The following AHCYL2 variants were observed in gnomAD, a reference collection of about 807,000 sequenced individuals.
The protein encoded by AHCYL2 is adenosylhomocysteinase like 2.
A neutral mutation model predicts 81.4 loss-of-function variants in AHCYL2; 28 were observed. That is an observed-to-expected ratio of 0.34 (90% CI 0.25 to 0.47). AHCYL2 has a LOEUF of 0.47. Ranked by LOEUF, AHCYL2 falls within the 20% of genes least tolerant of loss-of-function variation. The pLI is 1.00. For missense variants in AHCYL2, 551 were observed against 785.1 expected (o/e 0.70, Z 3.56); for synonymous variants, 272 against 290.2 (o/e 0.94, Z 0.64).
chr7:129,415,422 A>G (rs1796795905), intron 12 of AHCYL2, among the ~76,000 whole-genome samples: 1 of 152,112 alleles, frequency 6.6e-6, no homozygotes, highest in African/African-American at 2.4e-5. Context: ...ACTTTATCTC[A>G]TTTCATCTTT....
intron 1 of AHCYL2, among the ~76,000 whole-genome samples, chr7:129,234,588 G>C (rs937351766): frequency 5.9e-5 from 9 of 152,012 alleles, no homozygotes; most frequent in African/African-American, 2.2e-4. Flanking sequence ...TGAACTCCCA[G>C]CTTCAAGTGA....
At chr7:129,412,865 G>T (rs1796656463) in intron 11 of AHCYL2, among the ~76,000 whole-genome samples, 1 of 152,022 alleles carries the variant, frequency 6.6e-6, no homozygotes. Flanking sequence ...TGGAGACAGG[G>T]TCTCACTCTG....
At chr7:129,276,393 A>C (rs1192674619) in intron 1 of AHCYL2, among the ~76,000 whole-genome samples, 1 of 151,660 alleles carries the variant, frequency 6.6e-6, no homozygotes. Context: ...TATTTTTAAA[A>C]AGAAATGAAT....
At chr7:129,247,521 C>T (rs975276458) in intron 1 of AHCYL2, among the ~76,000 whole-genome samples, 1 of 152,074 alleles carries the variant, frequency 6.6e-6, no homozygotes, top group East Asian at 1.9e-4. Flanking sequence ...CTTGTCTTTT[C>T]ATTTTCCTGA....
intron 1 of AHCYL2, among the ~76,000 whole-genome samples, chr7:129,336,937 G>C (rs558789821): frequency 3.9e-5 from 6 of 152,202 alleles, no homozygotes; most frequent in African/African-American, 1.4e-4. Context: ...GTAAAGACGG[G>C]TGTCTCATCA....
At chr7:129,345,322 A>G (rs1156478363) in intron 1 of AHCYL2, among the ~76,000 whole-genome samples, 1 of 152,206 alleles carries the variant, frequency 6.6e-6, no homozygotes, top group Non-Finnish European at 1.5e-5. Flanking sequence ...AGTTGAGGGG[A>G]CAAACATACA....
At position 129,237,142 on chromosome 7, in the gene AHCYL2, G is replaced by C. The variant is rs13227401; in HGVS notation, c.363+11703G>C. ...GGATTTACCAGTTTTTTTCCTTTTT[G>C]GCTTCAACATTTTGTGTCTTAGAAT... On this transcript the variant is annotated intron_variant, in intron 1 of 16. Transcript: ENST00000325006. 5.3e-3 allele frequency among the ~76,000 whole-genome samples: 802 copies of C among 150,384 alleles called. 2 individuals carry two copies. The highest frequency in any genetic ancestry group is 8.6e-3 in the Non-Finnish European group (581 of 67,544).
chr7:129,380,768 C>T (rs1285089151), intron 2 of AHCYL2, among the ~76,000 whole-genome samples: 1 of 152,106 alleles, frequency 6.6e-6, no homozygotes, highest in Non-Finnish European at 1.5e-5. Context: ...GAGACAGGGT[C>T]TCACTCTGTC....
chr7:129,321,056 CAT>C (rs1797997128), intron 1 of AHCYL2, among the ~76,000 whole-genome samples: 1 of 152,330 alleles, frequency 6.6e-6, no homozygotes, highest in African/African-American at 2.4e-5. Flanking sequence ...AAGCTAGACT[CAT>C]ATTAGCTTTA....
At chr7:129,282,950 C>T (rs571172910) in intron 1 of AHCYL2, among the ~76,000 whole-genome samples, 47 of 152,252 alleles carry the variant, frequency 3.1e-4, no homozygotes, top group African/African-American at 1.0e-3. Context: ...TACTCTACCT[C>T]GTGCCTTGTT....
intron 2 of AHCYL2, among the ~76,000 whole-genome samples, chr7:129,387,364 A>C (rs953395966): frequency 1.3e-5 from 2 of 152,228 alleles, no homozygotes; most frequent in African/African-American, 4.8e-5. Context: ...GAATAAATTA[A>C]CAACTCTTTC....
intron 1 of AHCYL2, among the ~76,000 whole-genome samples, chr7:129,367,898 G>T (rs1794185545): frequency 6.6e-6 from 1 of 152,218 alleles, no homozygotes; most frequent in South Asian, 2.1e-4. Flanking sequence ...TTTGGTGCCA[G>T]ACCCCTGGTG....
At chr7:129,380,676 G>GCATATGATAT (rs1794915020) in intron 2 of AHCYL2, among the ~76,000 whole-genome samples, 1 of 152,136 alleles carries the variant, frequency 6.6e-6, no homozygotes, top group Non-Finnish European at 1.5e-5. Flanking sequence ...ATGATGTAAA[G>GCATATGATAT]CATATGATAT....
chr7:129,358,817 T>C (rs1004751007), intron 1 of AHCYL2, among the ~76,000 whole-genome samples: 4 of 152,088 alleles, frequency 2.6e-5, no homozygotes, highest in Admixed American at 2.6e-4. Flanking sequence ...AAGATATAGA[T>C]GAAAACCACA....
chr7:129,350,476 C>T lies in AHCYL2; in HGVS notation c.364-29162C>T, dbSNP rs181764330. Among the ~76,000 whole-genome samples the T allele has an allele frequency of 7.3e-5, 11 of 151,606 alleles. No individual in the cohort carries two copies. The East Asian group carries it at 1.2e-3, about 16-fold the overall frequency. The stretch of plus-strand genomic sequence containing the variant: ...TCAGCTTACTGCAACCTCTGCCTCC[C>T]GGGTTCAAGGGATTCTTTCACCTCA... On this transcript the variant is annotated intron_variant, in intron 1 of 16. Transcript: ENST00000325006.
Position 129,288,818 on chromosome 7 carries a change from G to T in AHCYL2, c.363+63379G>T, listed in dbSNP as rs190343355. ...AGGCCTTGTTCTGTCACCCAGGCTG[G>T]AGGTGCAGTAGCATGATCATAGCTC... On this transcript the variant is annotated intron_variant, in intron 1 of 16. Transcript: ENST00000325006. Among the ~76,000 whole-genome samples, 3 of 152,108 alleles carry T rather than the reference G, an allele frequency of 2.0e-5. No homozygotes were observed. The East Asian group carries it at 5.8e-4, about 29-fold the overall frequency.
intron 2 of AHCYL2, among the ~76,000 whole-genome samples, chr7:129,381,175 A>C (rs1254829335): frequency 6.6e-6 from 1 of 152,184 alleles, no homozygotes; most frequent in Non-Finnish European, 1.5e-5. Context: ...GGGTTTGTGC[A>C]TGTTATCTAA....
intron 1 of AHCYL2, among the ~76,000 whole-genome samples, chr7:129,375,183 C>A (rs1249446752): frequency 6.6e-6 from 1 of 152,130 alleles, no homozygotes; most frequent in East Asian, 1.9e-4. Context: ...ATGTCAAAAC[C>A]TGTATAAAAG....
chr7:129,322,711 C>T (rs1798083116), intron 1 of AHCYL2, among the ~76,000 whole-genome samples: 1 of 152,144 alleles, frequency 6.6e-6, no homozygotes, highest in Non-Finnish European at 1.5e-5. Flanking sequence ...CCCACTTCAC[C>T]CTCCCGAGTA....
Sources: allele counts gnomAD v4.1 joint callset (sites outside exome capture counted in the v4.1 genomes callset), GRCh38; gene constraint gnomAD v4.1.1; transcripts MANE v1.5; gene names NCBI Gene and HGNC (gene_info 2026-07-23, HGNC 2026-07-21).